The following TAF3 variants were observed in gnomAD, a reference collection of about 807,000 sequenced individuals.
TAF3 encodes the protein TATA-box binding protein associated factor 3.
Under a neutral mutation model 80.6 loss-of-function variants are expected in TAF3, and 7 were observed. The ratio of observed to expected loss-of-function variants is 0.09; its 90% CI spans 0.05 to 0.16. TAF3 has a LOEUF of 0.16. Among genes scored for constraint, TAF3 ranks in the 10% least tolerant of loss-of-function variants. The pLI, the probability that TAF3 is intolerant of heterozygous loss-of-function variation, is 1.00. For missense variants in TAF3, 921 were observed against 1,140.2 expected (o/e 0.81, Z 2.77); for synonymous variants, 444 against 446.1 (o/e 1.00, Z 0.06).
chr10:7,957,374 CA>C (rs1838145940), intron 2 of TAF3, among the ~76,000 whole-genome samples: 1 of 152,262 alleles, frequency 6.6e-6, no homozygotes, highest in African/African-American at 2.4e-5. Context: ...ATTGGTTTTA[CA>C]GAGATCACGG....
At chr10:8,007,983 G>C (rs1588349060) in intron 4 of TAF3, among the ~76,000 whole-genome samples, 2 of 152,152 alleles carry the variant, frequency 1.3e-5, no homozygotes, top group African/African-American at 4.8e-5. Flanking sequence ...TGTTAGTGGA[G>C]GAGCAGGGTC....
intron 4 of TAF3, among the ~76,000 whole-genome samples, chr10:7,977,997 C>T (rs1355294454): frequency 1.3e-5 from 2 of 152,086 alleles, no homozygotes; most frequent in Non-Finnish European, 2.9e-5. Flanking sequence ...AGTACTCTTA[C>T]CTGATCCTAA....
chr10:7,859,174 T>A (rs1837117127), intron 2 of TAF3, among the ~76,000 whole-genome samples: 1 of 151,920 alleles, frequency 6.6e-6, no homozygotes, highest in Non-Finnish European at 1.5e-5. Context: ...GGCAGGAGAA[T>A]GGCGTGAACC....
intron 4 of TAF3, among the ~76,000 whole-genome samples, chr10:7,980,525 C>T (rs781335118): frequency 6.6e-5 from 10 of 152,188 alleles, no homozygotes; most frequent in Non-Finnish European, 1.3e-4. Flanking sequence ...GATGACTTTC[C>T]AAGGACCTCA....
chr10:7,888,387 T>A (rs1837429122), intron 2 of TAF3, among the ~76,000 whole-genome samples: 1 of 152,104 alleles, frequency 6.6e-6, no homozygotes, highest in African/African-American at 2.4e-5. Flanking sequence ...TTATCTAAAT[T>A]TATAAAAAAA....
intron 4 of TAF3, among the ~76,000 whole-genome samples, chr10:8,004,505 CT>C (rs1425357775): frequency 6.6e-6 from 1 of 151,680 alleles, no homozygotes; most frequent in Admixed American, 6.6e-5. Context: ...AAATTCTTAG[CT>C]TTTGCCTGCC....
chr10:7,966,508 T>C (rs2131414093), intron 3 of TAF3, among the ~76,000 whole-genome samples: 1 of 152,350 alleles, frequency 6.6e-6, no homozygotes, highest in South Asian at 2.1e-4. Context: ...TACCCAGCTT[T>C]GCTTTTCAGT....
chr10:7,945,027 T>C (rs1016031784), intron 2 of TAF3, among the ~76,000 whole-genome samples: 7 of 152,220 alleles, frequency 4.6e-5, no homozygotes, highest in Admixed American at 3.3e-4. Context: ...TCGGACTACA[T>C]AACTGTAGTT....
rs71505466 is a variant in TAF3, at chr10:7,842,164, G to GTT, written c.409+17614_409+17615dup. 1.4e-3 allele frequency among the ~76,000 whole-genome samples: 118 copies of GTT among 85,390 alleles called. 2 individuals carry two copies. The highest frequency in any genetic ancestry group is 2.0e-3 in the East Asian group (7 of 3,546). The allele number at this position is 85,390 out of a possible 152,430, so 56.0% of individuals were successfully genotyped here. A position where few individuals can be genotyped will look rare whatever the true frequency, so the allele number is the denominator to read the frequency against. On this transcript the variant is annotated intron_variant, in intron 2 of 6. Transcript: ENST00000344293. ...TGAATTAATATTGTTTTTTTTTTTT[G>GTT]TTTTTTTTTTTGTTTTTTTTTTTTT... is the stretch of plus-strand genomic sequence containing the variant.
intron 2 of TAF3, among the ~76,000 whole-genome samples, chr10:7,840,303 C>T (rs1356691780): frequency 2.0e-5 from 3 of 151,898 alleles, no homozygotes; most frequent in African/African-American, 7.3e-5. Flanking sequence ...CAGGCGCCCG[C>T]CACCACGCCT....
intron 2 of TAF3, among the ~76,000 whole-genome samples, chr10:7,927,334 T>G (rs1466718628): frequency 6.6e-6 from 1 of 152,252 alleles, no homozygotes; most frequent in Admixed American, 6.5e-5. Flanking sequence ...CGTGTTTTTC[T>G]GAACATCTTC....
chr10:7,983,118 C>T (rs1831742040), intron 4 of TAF3, among the ~76,000 whole-genome samples: 1 of 152,212 alleles, frequency 6.6e-6, no homozygotes, highest in Admixed American at 6.5e-5. Flanking sequence ...CTCATCTGGC[C>T]TCTGCGGTGG....
intron 2 of TAF3, among the ~76,000 whole-genome samples, chr10:7,909,482 A>G (rs10508339): frequency 0.2 from 29,937 of 152,190 alleles, 3,052 homozygotes; most frequent in East Asian, 0.3. Flanking sequence ...GTGCCATTGG[A>G]TAAACTAGTG....
intron 4 of TAF3, among the ~76,000 whole-genome samples, chr10:7,977,582 G>T (rs547904441): frequency 6.6e-6 from 1 of 151,210 alleles, no homozygotes; most frequent in Non-Finnish European, 1.5e-5. Flanking sequence ...CATTATTTCT[G>T]CATAGTCTTT....
intron 4 of TAF3, among the ~76,000 whole-genome samples, chr10:8,005,980 C>T (rs1292846629): frequency 6.6e-6 from 1 of 152,114 alleles, no homozygotes; most frequent in Non-Finnish European, 1.5e-5. Context: ...TCTCTCTGTG[C>T]CTTGGTTTCT....
chr10:7,839,619 A>G (rs66738509), intron 2 of TAF3, among the ~76,000 whole-genome samples: 12,360 of 152,310 alleles, frequency 0.081, 635 homozygotes, highest in Admixed American at 0.13. Flanking sequence ...GGGCACAGAT[A>G]GAAGAACAAA....
At chr10:7,983,863 T>C (rs1831751839) in intron 4 of TAF3, among the ~76,000 whole-genome samples, 1 of 151,898 alleles carries the variant, frequency 6.6e-6, no homozygotes, top group Non-Finnish European at 1.5e-5. Context: ...AATAAATAAA[T>C]AAATAAATTT....
chr10:7,917,257 CAGAG>C (rs1837719910), intron 2 of TAF3, among the ~76,000 whole-genome samples: 1 of 152,186 alleles, frequency 6.6e-6, no homozygotes, highest in Non-Finnish European at 1.5e-5. Context: ...GATGGAGTGT[CAGAG>C]AGGAGTTGCA....
intron 2 of TAF3, among the ~76,000 whole-genome samples, chr10:7,856,049 A>C (rs1419004844): frequency 6.6e-6 from 1 of 152,218 alleles, no homozygotes; most frequent in Non-Finnish European, 1.5e-5. Flanking sequence ...AAATGGGGGA[A>C]AAGAAGAAGG....
Sources: gnomAD v4.1 joint callset for allele counts (sites outside exome capture counted in the v4.1 genomes callset) on GRCh38, gnomAD v4.1.1 for gene constraint, MANE v1.5 for transcripts, NCBI Gene and HGNC (gene_info 2026-07-23, HGNC 2026-07-21) for gene names.